Variants in ASIC2 observed in about 807,000 individuals in gnomAD.
ASIC2 encodes the protein acid sensing ion channel subunit 2.
ASIC2 carries 25 observed loss-of-function variants against 57.3 expected under a neutral mutation model. That is an observed-to-expected ratio of 0.44 (90% CI 0.32 to 0.61). ASIC2 has a LOEUF of 0.61. Ranked by LOEUF, ASIC2 falls within the 20% of genes least tolerant of loss-of-function variation. The pLI is 0.06. For missense variants in ASIC2, 641 were observed against 738.1 expected, an observed-to-expected ratio of 0.87 and a Z score of 1.52; for synonymous variants, 319 against 307.5, an observed-to-expected ratio of 1.04 and a Z score of -0.39.
intron 1 of ASIC2, among the ~76,000 whole-genome samples, chr17:33,709,770 C>G (rs981934787): frequency 1.3e-5 from 2 of 152,124 alleles, no homozygotes; most frequent in African/African-American, 2.4e-5. Context: ...GTATAAAGAA[C>G]CCTTAATATG....
chr17:33,912,837 G>C (rs1169093298), intron 1 of ASIC2, among the ~76,000 whole-genome samples: 1 of 151,944 alleles, frequency 6.6e-6, no homozygotes, highest in East Asian at 1.9e-4. Context: ...AAATTAGCGG[G>C]GCGTGGTGGT....
rs367765524 is a variant in ASIC2 at position 33,671,292 on chromosome 17, C to T, written c.555+484686G>A. Among the ~76,000 whole-genome samples the T allele has an allele frequency of 2.8e-4, 43 of 152,256 alleles. 1 individual carries two copies. The South Asian group carries it at 8.7e-3, about 31-fold the overall frequency. ...GTGCACACATGTACACACGCACACCCAGCATAGCATTTAAAATCCTCTGGG... is the reference window on the plus strand; with the variant it reads ...GTGCACACATGTACACACGCACACCTAGCATAGCATTTAAAATCCTCTGGG... On this transcript the variant is annotated intron_variant, in intron 1 of 9. Transcript: ENST00000359872.
At chr17:33,414,031 C>T (rs1009884104) in intron 1 of ASIC2, among the ~76,000 whole-genome samples, 1 of 152,154 alleles carries the variant, frequency 6.6e-6, no homozygotes, top group Non-Finnish European at 1.5e-5. Context: ...AGACATGGGC[C>T]CTGAGCTTGC....
At chr17:33,098,358 C>T (rs1402942028) in intron 2 of ASIC2, among the ~76,000 whole-genome samples, 1 of 143,388 alleles carries the variant, frequency 7.0e-6, no homozygotes, top group East Asian at 2.3e-4. Context: ...CAACCCTTCC[C>T]TGACAGATAG....
chr17:33,834,552 G>A (rs1423474887), intron 1 of ASIC2: 2 of 152,184 alleles, frequency 1.3e-5, no homozygotes, highest in African/African-American at 4.8e-5. Context: ...ACTGGGGGAA[G>A]GAAAGTTTCT....
chr17:33,238,554 G>T (rs1169788302), intron 1 of ASIC2, among the ~76,000 whole-genome samples: 1 of 152,154 alleles, frequency 6.6e-6, no homozygotes, highest in Non-Finnish European at 1.5e-5. Context: ...TGTGAGATTT[G>T]ACCTCACCTC....
intron 1 of ASIC2, among the ~76,000 whole-genome samples, chr17:33,438,465 T>G (rs1911706009): frequency 6.6e-6 from 1 of 152,196 alleles, no homozygotes; most frequent in African/African-American, 2.4e-5. Context: ...GCAAATTTTC[T>G]TCTTTATAAG....
intron 1 of ASIC2, among the ~76,000 whole-genome samples, chr17:33,431,485 TC>T (rs35972669): frequency 0.38 from 58,211 of 151,760 alleles, 11,605 homozygotes; most frequent in Non-Finnish European, 0.42. Context: ...ACACCTGTAA[TC>T]CCAGCTACTC....
chr17:33,734,607 G>T (rs1209903231), intron 1 of ASIC2, among the ~76,000 whole-genome samples: 1 of 152,160 alleles, frequency 6.6e-6, no homozygotes, highest in East Asian at 1.9e-4. Flanking sequence ...CACCCCCATT[G>T]TGACTGTATT....
At chr17:33,869,660 T>C (rs1431482249) in intron 1 of ASIC2, among the ~76,000 whole-genome samples, 1 of 152,232 alleles carries the variant, frequency 6.6e-6, no homozygotes, top group Non-Finnish European at 1.5e-5. Context: ...TATGTTATGA[T>C]TCCATTTATA....
At chr17:33,464,902 T>C (rs1213941365) in intron 1 of ASIC2, among the ~76,000 whole-genome samples, 1 of 152,000 alleles carries the variant, frequency 6.6e-6, no homozygotes, top group Non-Finnish European at 1.5e-5. Flanking sequence ...AGTTTACAAG[T>C]ACCAACAAGG....
chr17:33,539,942 C>T (rs184140871), intron 1 of ASIC2, among the ~76,000 whole-genome samples: 15 of 152,280 alleles, frequency 9.9e-5, no homozygotes, highest in Admixed American at 3.9e-4. Flanking sequence ...CGGAGTGTTC[C>T]GGGCCAAGAA....
At chr17:33,111,663 G>A (rs2092258549) in intron 2 of ASIC2, among the ~76,000 whole-genome samples, 1 of 151,212 alleles carries the variant, frequency 6.6e-6, no homozygotes, top group South Asian at 2.1e-4. Context: ...CTTCCCCCAT[G>A]CCTTCCTTCC....
At chr17:33,213,101 A>G (rs1192447263) in intron 1 of ASIC2, among the ~76,000 whole-genome samples, 1 of 152,218 alleles carries the variant, frequency 6.6e-6, no homozygotes, top group African/African-American at 2.4e-5. Context: ...GATTATTTTC[A>G]TTCAGCTTTT....
intron 1 of ASIC2, among the ~76,000 whole-genome samples, chr17:33,859,574 A>G (rs1914052101): frequency 6.6e-6 from 1 of 152,234 alleles, no homozygotes; most frequent in Non-Finnish European, 1.5e-5. Flanking sequence ...TGCAGGGAAG[A>G]TCTCCTGAAG....
At chr17:33,622,837 T>C (rs1387832186) in intron 1 of ASIC2, among the ~76,000 whole-genome samples, 3 of 152,208 alleles carry the variant, frequency 2.0e-5, no homozygotes, top group Admixed American at 6.5e-5. Flanking sequence ...GCCAGACTAG[T>C]CATTGTTTAC....
chr17:33,465,372 CTTT>C (rs67424466), intron 1 of ASIC2, among the ~76,000 whole-genome samples: 13 of 88,260 alleles, frequency 1.5e-4, no homozygotes, highest in Admixed American at 2.3e-4. Context: ...TTTTCTTTTT[CTTT>C]TTTTTTTTTT....
intron 1 of ASIC2, among the ~76,000 whole-genome samples, chr17:33,408,674 T>C (rs780186615): frequency 6.6e-6 from 1 of 152,174 alleles, no homozygotes; most frequent in African/African-American, 2.4e-5. Context: ...GGATGAAAAT[T>C]CATGATAAAC....
chr17:33,013,652 G>T lies in ASIC2; in HGVS notation c.*313C>A. On this transcript the variant is annotated 3_prime_UTR_variant, in exon 10 of 10. Coordinates refer to ENST00000225823, the MANE Select transcript of ASIC2 (RefSeq NM_183377.2). ...GAGTGTCATGTACAAGACAGACGTG[G>T]AGGTGGCGCCACAAGAAGTCTGAGC... 2.6e-6 allele frequency: 1 copy of T among 381,186 alleles called. No individual in the cohort carries two copies. The allele number at this position is 381,186 out of a possible 1,614,324, so 23.6% of individuals were successfully genotyped here.
Sources: allele counts gnomAD v4.1 joint callset (sites outside exome capture counted in the v4.1 genomes callset), GRCh38; gene constraint gnomAD v4.1.1; transcripts MANE v1.5; gene names NCBI Gene and HGNC (gene_info 2026-07-23, HGNC 2026-07-21).